Variants in ANO6 observed in about 807,000 individuals in gnomAD.
ANO6 encodes the protein anoctamin-6.
ANO6 carries 106 observed loss-of-function variants against 117.5 expected under a neutral mutation model. The ratio of observed to expected loss-of-function variants is 0.90; its 90% confidence interval spans 0.77 to 1.06. The LOEUF (loss-of-function observed/expected upper bound fraction) is 1.06. Ranked by LOEUF, ANO6 falls within the 50% of genes least tolerant of loss-of-function variation. The pLI, the probability that ANO6 is intolerant of heterozygous loss-of-function variation, is 0.00. For synonymous variants in ANO6, 367 were observed against 385.1 expected (o/e 0.95, Z 0.55); for missense variants, 955 against 1,121.1 (o/e 0.85, Z 2.12).
chr12:45,348,447 A>G, intron 5 of ANO6, 71 bp from the exon 6 acceptor site: 2 of 1,536,150 alleles, frequency 1.3e-6, no homozygotes, highest in Non-Finnish European at 1.8e-6. Context: ...TTTGTGTTAC[A>G]GTAGTAAACA....
At chr12:45,385,564 G>T (rs1400665135) in intron 10 of ANO6, among the ~76,000 whole-genome samples, 2 of 152,034 alleles carry the variant, frequency 1.3e-5, no homozygotes, top group Non-Finnish European at 2.9e-5. Context: ...TCCCAACAGG[G>T]TCTCTTTGGG....
chr12:45,357,543 A>G (rs1463678446), intron 8 of ANO6, 119 bp downstream of exon 8: 1 of 1,296,190 alleles, frequency 7.7e-7, no homozygotes, highest in South Asian at 1.3e-5. Context: ...ATTGCTTGGG[A>G]TGATATATCC....
intron 1 of ANO6, chr12:45,228,315 T>TTA (rs1420847587): frequency 3.5e-4 from 102 of 292,412 alleles, no homozygotes; most frequent in African/African-American, 2.2e-3. Flanking sequence ...TTTTTTTTTT[T>TTA]TTATTATTAG....
chr12:45,273,175 A>G lies in ANO6; in HGVS notation c.71-28839A>G, dbSNP rs149793992. Among the ~76,000 whole-genome samples, 837 of 152,314 alleles carry G rather than the reference A, an allele frequency of 5.5e-3. 3 individuals are homozygous for G. The highest frequency in any genetic ancestry group is 0.027 in the Middle Eastern group (8 of 294). Reference sequence around the variant, plus strand: ...AAATGAGACATGTTGGTCAAAGGGTACAGAGTTTAAGTTAAAGAGGACTAA... The same window carrying G: ...AAATGAGACATGTTGGTCAAAGGGTGCAGAGTTTAAGTTAAAGAGGACTAA... On this transcript the variant is annotated intron_variant, in intron 1 of 19. Coordinates refer to ENST00000320560, the MANE Select transcript of ANO6 (RefSeq NM_001025356.3).
chr12:45,413,645 A>C (rs1394856955), intron 16 of ANO6, among the ~76,000 whole-genome samples: 2 of 152,174 alleles, frequency 1.3e-5, no homozygotes, highest in African/African-American at 2.4e-5. Context: ...AAGAAAAAGA[A>C]GAGCAGAGCA....
intron 16 of ANO6, among the ~76,000 whole-genome samples, chr12:45,414,884 C>T (rs1271814882): frequency 6.6e-6 from 1 of 152,198 alleles, no homozygotes; most frequent in East Asian, 1.9e-4. Flanking sequence ...CCACCTCATC[C>T]TCCTGGGTAG....
exon 20 of ANO6, chr12:45,439,833 A>C: frequency 6.5e-7 from 1 of 1,540,240 alleles, no homozygotes; most frequent in East Asian, 2.5e-5. Context: ...TCTATTATAT[A>C]TTTTCTATTT....
At chr12:45,297,264 C>CT (rs1565671945) in intron 1 of ANO6, among the ~76,000 whole-genome samples, 1 of 152,162 alleles carries the variant, frequency 6.6e-6, no homozygotes, top group African/African-American at 2.4e-5. Context: ...ACCTGCCATG[C>CT]TAGTGCTAAG....
At chr12:45,411,692 G>A (rs922489955) in intron 16 of ANO6, among the ~76,000 whole-genome samples, 1 of 152,186 alleles carries the variant, frequency 6.6e-6, no homozygotes, top group Non-Finnish European at 1.5e-5. Context: ...CTCCAGGCTT[G>A]CTTGGCCTTG....
rs575683051 is a variant in ANO6 at position 45,417,137 on chromosome 12, A to G, written c.2217+233A>G. Among the ~76,000 whole-genome samples, 11 of 152,322 alleles carry G rather than the reference A, an allele frequency of 7.2e-5. No homozygotes were observed. In the South Asian group the frequency reaches 1.2e-3, roughly 17 times the overall value. On this transcript the variant is annotated intron_variant, in intron 17 of 19. Transcript: ENST00000320560. ...CAGGTACTGTTATTGCTCATTTGCT[A>G]AAGTTTTTATTCAGTATGAAATATG... is the stretch of plus-strand genomic sequence containing the variant.
chr12:45,435,748 A>G (rs1449342926), downstream of ANO6, among the ~76,000 whole-genome samples: 1 of 152,096 alleles, frequency 6.6e-6, no homozygotes, highest in African/African-American at 2.4e-5. Flanking sequence ...TGGGGCAAAG[A>G]CAGCATCGAT....
downstream of ANO6, among the ~76,000 whole-genome samples, chr12:45,435,418 T>C (rs1943696303): frequency 6.6e-6 from 1 of 152,236 alleles, no homozygotes; most frequent in African/African-American, 2.4e-5. Context: ...TACAAACATA[T>C]CTTTGTATCA....
intron 1 of ANO6, among the ~76,000 whole-genome samples, chr12:45,237,105 T>G (rs779509795): frequency 3.3e-5 from 5 of 151,972 alleles, no homozygotes; most frequent in Non-Finnish European, 5.9e-5. Context: ...ATTTGAATTC[T>G]TTGTAGATTC....
chr12:45,304,539 TTGTGGAGTTGAAC>T (rs1939602174), intron 2 of ANO6, among the ~76,000 whole-genome samples: 1 of 152,174 alleles, frequency 6.6e-6, no homozygotes, highest in African/African-American at 2.4e-5. Flanking sequence ...CAACTGCAGT[TTGTGGAGTTGAAC>T]CGAAATAAAG....
chr12:45,400,696 A>G (rs1942762290), intron 12 of ANO6, among the ~76,000 whole-genome samples: 1 of 152,182 alleles, frequency 6.6e-6, no homozygotes, highest in South Asian at 2.1e-4. Context: ...TGGAGCTTGT[A>G]CTCAAATAGA....
Position 45,350,757 on chromosome 12 carries a change from G to A in ANO6, c.846G>A (p.Gln282=). ...WAHPRSIYKK[Q]PLDLIRKYYG... ...ATCCTCGAAGCATATACAAAAAGCA[G>A]CCCTTGGATCTTATCAGGTGAGGGG... is the stretch of plus-strand genomic sequence containing the variant. Residue 282 remains glutamine, a synonymous_variant, in exon 7 of 20, where the codon CAG becomes CAA. Coordinates refer to ENST00000320560, the MANE Select transcript of ANO6 (RefSeq NM_001025356.3). 5 of 1,613,450 alleles carry A rather than the reference G, an allele frequency of 3.1e-6. No homozygotes were observed. In the East Asian group the frequency reaches 6.7e-5, roughly 22 times the overall value.
intron 12 of ANO6, among the ~76,000 whole-genome samples, chr12:45,395,471 A>G (rs957153171): frequency 6.6e-6 from 1 of 152,174 alleles, no homozygotes; most frequent in African/African-American, 2.4e-5. Context: ...AAAAGAGGGA[A>G]TCCTCCCTAA....
chr12:45,351,591 A>T (rs1226385651), intron 7 of ANO6, among the ~76,000 whole-genome samples: 2 of 152,180 alleles, frequency 1.3e-5, no homozygotes. Context: ...TGAGGGAGTT[A>T]TCTTTGAGGA....
chr12:45,391,548 C>G (rs1283095379), intron 12 of ANO6, among the ~76,000 whole-genome samples: 3 of 151,962 alleles, frequency 2.0e-5, no homozygotes, highest in Admixed American at 6.6e-5. Context: ...AAACCATATA[C>G]TATAATAAAT....
Sources: allele counts gnomAD v4.1 joint callset (sites outside exome capture counted in the v4.1 genomes callset), GRCh38; gene constraint gnomAD v4.1.1; transcripts MANE v1.5; gene names NCBI Gene and HGNC (gene_info 2026-07-23, HGNC 2026-07-21).